Variants in PTBP2 observed in about 807,000 individuals in gnomAD.
PTBP2 encodes the protein polypyrimidine tract binding protein 2.
Under a neutral mutation model 61.4 loss-of-function variants are expected in PTBP2, and 13 were observed. The observed-to-expected ratio is 0.21, with a 90% CI of 0.14 to 0.34. The LOEUF (loss-of-function observed/expected upper bound fraction) is 0.34. PTBP2 is among the 10% of genes least tolerant of loss of function. The pLI is 1.00. For synonymous variants in PTBP2, 215 were observed against 218.5 expected (o/e 0.98, Z 0.14); for missense variants, 405 against 642.6 (o/e 0.63, Z 4.00).
At position 96,739,618 on chromosome 1, in the gene PTBP2, G is replaced by GGTTTTT. The variant is rs1232683663; in HGVS notation, c.40-11807_40-11806insGTTTTT. ...GCTACAAAATCTGAAACTGGTGTGT[G>GGTTTTT]TTTTTTTTTTTTTTTTTTTTTTTTT... On this transcript the variant is annotated intron_variant, in intron 2 of 13. Coordinates refer to ENST00000674951, the MANE Select transcript of PTBP2 (RefSeq NM_021190.4). Among the ~76,000 whole-genome samples, 13 of 83,802 alleles carry GGTTTTT rather than the reference G, an allele frequency of 1.6e-4. 1 individual carries two copies. Among genetic ancestry groups the GGTTTTT allele is most frequent in the South Asian group, 4.0e-4 (1 of 2,482 alleles). 55.0% of individuals were successfully genotyped at this position (83,802 alleles called of 152,430 possible).
At chr1:96,811,053 ACT>A (rs998283400) in intron 11 of PTBP2, among the ~76,000 whole-genome samples, 2 of 150,148 alleles carry the variant, frequency 1.3e-5, no homozygotes, top group Non-Finnish European at 3.0e-5. Flanking sequence ...GGAAGAGTGG[ACT>A]CTTTTTTTTT....
chr1:96,809,386 A>G (rs557462528), intron 11 of PTBP2, among the ~76,000 whole-genome samples: 1 of 152,320 alleles, frequency 6.6e-6, no homozygotes, highest in South Asian at 2.1e-4. Flanking sequence ...AGCTAATTTC[A>G]AAGAGTATCA....
intron 8 of PTBP2, among the ~76,000 whole-genome samples, chr1:96,792,947 TA>T (rs1259611979): frequency 6.6e-6 from 1 of 152,150 alleles, no homozygotes; most frequent in Non-Finnish European, 1.5e-5. Flanking sequence ...CACACATACC[TA>T]AACATGCTAG....
chr1:96,813,578 T>A lies in PTBP2; in HGVS notation c.*173T>A, dbSNP rs968911263. 1.9e-6 allele frequency: 1 copy of A among 534,272 alleles called. No individual in the cohort carries two copies. Among genetic ancestry groups the A allele is most frequent in the Non-Finnish European group, 3.0e-6 (1 of 335,656 alleles). 33.1% of individuals were successfully genotyped at this position (534,272 alleles called of 1,614,324 possible). ...TGGTTATAAAATGAAATGGCATATG[T>A]AAAGGCAGAGTTGTTAACTGCTATA... On this transcript the variant is annotated 3_prime_UTR_variant, in exon 14 of 14. Transcript: ENST00000674951.
chr1:96,767,501 A>C (rs534885163), intron 3 of PTBP2, among the ~76,000 whole-genome samples: 2 of 152,226 alleles, frequency 1.3e-5, no homozygotes, highest in South Asian at 2.1e-4. Context: ...TTGGATTGTG[A>C]AGTATTTGTT....
chr1:96,812,629 AT>A, intron 11 of PTBP2, 82 bp from the exon 12 acceptor site: 1 of 1,135,176 alleles, frequency 8.8e-7, no homozygotes, highest in Non-Finnish European at 1.2e-6. Flanking sequence ...GAAAATTCAA[AT>A]TTTTAAACTG....
chr1:96,806,204 A>T (rs1440309316), intron 9 of PTBP2, among the ~76,000 whole-genome samples: 2 of 150,416 alleles, frequency 1.3e-5, no homozygotes, highest in African/African-American at 4.9e-5. Flanking sequence ...CCTTGTCTTC[A>T]TTCCCTGTCT....
At chr1:96,778,738 C>G (rs1424182953) in intron 7 of PTBP2, among the ~76,000 whole-genome samples, 2 of 151,946 alleles carry the variant, frequency 1.3e-5, no homozygotes, top group Non-Finnish European at 2.9e-5. Context: ...TTCATTCATT[C>G]TTTTACTTTC....
chr1:96,741,037 A>G, intron 2 of PTBP2, among the ~76,000 whole-genome samples: 1 of 151,796 alleles, frequency 6.6e-6, no homozygotes, highest in East Asian at 1.9e-4. Context: ...TTATACTGTT[A>G]GCGCTGCATG....
chr1:96,731,237 T>C (rs769711031), intron 2 of PTBP2, among the ~76,000 whole-genome samples: 243 of 152,344 alleles, frequency 1.6e-3, no homozygotes, highest in Non-Finnish European at 2.8e-3. Flanking sequence ...AAATTTATAC[T>C]TAAAGAGTTA....
At chr1:96,734,903 C>CTTTTTTTTTTTT (rs369053938) in intron 2 of PTBP2, among the ~76,000 whole-genome samples, 14 of 124,960 alleles carry the variant, frequency 1.1e-4, no homozygotes, top group African/African-American at 1.5e-4. Flanking sequence ...CTTTTTTTTT[C>CTTTTTTTTTTTT]TTTTTTTTTT....
At chr1:96,804,484 T>C (rs1661318304) in intron 8 of PTBP2, among the ~76,000 whole-genome samples, 1 of 152,130 alleles carries the variant, frequency 6.6e-6, no homozygotes, top group Non-Finnish European at 1.5e-5. Flanking sequence ...TTTCCAAGCC[T>C]GTGACTTGGA....
At chr1:96,817,145 A>G (rs1476170354), downstream of PTBP2, 1 of 152,138 alleles carries the variant, frequency 6.6e-6, no homozygotes, top group Non-Finnish European at 1.5e-5. Context: ...AAGATTTCAT[A>G]TGTATAAAAA....
At chr1:96,757,106 C>T (rs1408089773) in intron 3 of PTBP2, among the ~76,000 whole-genome samples, 1 of 152,184 alleles carries the variant, frequency 6.6e-6, no homozygotes, top group Non-Finnish European at 1.5e-5. Flanking sequence ...AAAATTTACT[C>T]ATGCGCTTGC....
At chr1:96,792,192 C>T (rs769029540) in intron 8 of PTBP2, among the ~76,000 whole-genome samples, 3 of 152,076 alleles carry the variant, frequency 2.0e-5, no homozygotes, top group South Asian at 2.1e-4. Context: ...AATACTGTAG[C>T]TTAGAATGAA....
At chr1:96,790,548 T>TTA (rs1267030116) in intron 8 of PTBP2, among the ~76,000 whole-genome samples, 5 of 152,194 alleles carry the variant, frequency 3.3e-5, no homozygotes, top group Non-Finnish European at 7.4e-5. Context: ...CTGAAAATCT[T>TTA]TATAAAGTAG....
intron 11 of PTBP2, among the ~76,000 whole-genome samples, chr1:96,811,907 T>TAATAG (rs1662124589): frequency 6.6e-6 from 1 of 152,220 alleles, no homozygotes; most frequent in South Asian, 2.1e-4. Flanking sequence ...AATAGTCATG[T>TAATAG]AATGTTCTGT....
chr1:96,787,015 A>G (rs543641167), intron 8 of PTBP2, among the ~76,000 whole-genome samples: 1 of 152,194 alleles, frequency 6.6e-6, no homozygotes, highest in East Asian at 1.9e-4. Context: ...TTAAAACAAT[A>G]ATAAAGTCAT....
At chr1:96,764,964 G>A (rs973398392) in intron 3 of PTBP2, among the ~76,000 whole-genome samples, 3 of 152,158 alleles carry the variant, frequency 2.0e-5, no homozygotes, top group African/African-American at 7.2e-5. Context: ...AACCTGGTGA[G>A]GCTTTTTGCG....
Sources: gnomAD v4.1 joint callset for allele counts (sites outside exome capture counted in the v4.1 genomes callset) on GRCh38, gnomAD v4.1.1 for gene constraint, MANE v1.5 for transcripts, NCBI Gene and HGNC (gene_info 2026-07-23, HGNC 2026-07-21) for gene names.